Variants in PLXDC2 observed in about 807,000 individuals in gnomAD.
The protein encoded by PLXDC2 is plexin domain containing 2, also known as plexin domain-containing protein 2.
A neutral mutation model predicts 68.9 loss-of-function variants in PLXDC2; 40 were observed. The ratio of observed to expected loss-of-function variants is 0.58; its 90% CI spans 0.45 to 0.76. PLXDC2 has a LOEUF of 0.76. PLXDC2 is among the 30% of genes least tolerant of loss of function. The pLI is 0.00. For missense variants in PLXDC2, 644 were observed against 661.9 expected, an observed-to-expected ratio of 0.97 and a Z score of 0.30; for synonymous variants, 243 against 234.2, an observed-to-expected ratio of 1.04 and a Z score of -0.34.
chr10:19,859,025 A>G (rs1837268663), intron 1 of PLXDC2, among the ~76,000 whole-genome samples: 1 of 150,446 alleles, frequency 6.6e-6, no homozygotes, highest in Non-Finnish European at 1.5e-5. Context: ...GCAGCGAGAG[A>G]GAGAGAGAGA....
intron 2 of PLXDC2, among the ~76,000 whole-genome samples, chr10:20,028,741 G>A (rs890015815): frequency 6.6e-6 from 1 of 152,118 alleles, no homozygotes; most frequent in Non-Finnish European, 1.5e-5. Flanking sequence ...TGGTAACCCA[G>A]TATGAGCTAT....
intron 1 of PLXDC2, among the ~76,000 whole-genome samples, chr10:19,823,951 T>A (rs1489227211): frequency 6.6e-6 from 1 of 152,084 alleles, no homozygotes; most frequent in East Asian, 1.9e-4. Flanking sequence ...AGGGCTGCAA[T>A]GAGCTGTGAT....
At chr10:19,851,646 A>G (rs980493046) in intron 1 of PLXDC2, among the ~76,000 whole-genome samples, 1 of 152,130 alleles carries the variant, frequency 6.6e-6, no homozygotes, top group African/African-American at 2.4e-5. Context: ...CCTGGGTTCA[A>G]GTGATTCTCA....
intron 1 of PLXDC2, among the ~76,000 whole-genome samples, chr10:19,885,213 T>C (rs1310105970): frequency 1.3e-5 from 2 of 152,038 alleles, no homozygotes. Flanking sequence ...TGTTTTTTTC[T>C]TGTAAATTTG....
At chr10:20,264,971 A>C (rs1835852129) in intron 13 of PLXDC2, among the ~76,000 whole-genome samples, 2 of 152,224 alleles carry the variant, frequency 1.3e-5, no homozygotes, top group South Asian at 4.1e-4. Context: ...AGGTCGCTGG[A>C]TGATATTAAA....
At chr10:20,208,303 C>T (rs1327003684) in intron 9 of PLXDC2, among the ~76,000 whole-genome samples, 1 of 152,102 alleles carries the variant, frequency 6.6e-6, no homozygotes, top group Non-Finnish European at 1.5e-5. Flanking sequence ...AGGCAAAAGA[C>T]ACATCTTACA....
chr10:19,836,454 A>G (rs1022579234), intron 1 of PLXDC2, among the ~76,000 whole-genome samples: 29 of 152,210 alleles, frequency 1.9e-4, no homozygotes, highest in Non-Finnish European at 2.9e-5. Context: ...ACTTGCAAGA[A>G]TATTGCTGTG....
At chr10:20,013,429 C>T (rs1193823236) in intron 2 of PLXDC2, among the ~76,000 whole-genome samples, 2 of 151,946 alleles carry the variant, frequency 1.3e-5, no homozygotes, top group African/African-American at 2.4e-5. Flanking sequence ...AAATAATGCT[C>T]CCTGATCTTT....
chr10:20,179,576 T>C (rs1337103686), intron 9 of PLXDC2, among the ~76,000 whole-genome samples: 1 of 152,120 alleles, frequency 6.6e-6, no homozygotes, highest in Non-Finnish European at 1.5e-5. Flanking sequence ...ACTTAAATCA[T>C]TTTATGGTAA....
intron 4 of PLXDC2, among the ~76,000 whole-genome samples, chr10:20,120,518 G>A (rs1223026741): frequency 6.6e-6 from 1 of 152,146 alleles, no homozygotes; most frequent in Non-Finnish European, 1.5e-5. Context: ...TATAGAGTTG[G>A]GAAGGCTAAA....
intron 2 of PLXDC2, among the ~76,000 whole-genome samples, chr10:20,030,916 T>G (rs10740959): frequency 0.74 from 112,106 of 151,952 alleles, 42,238 homozygotes; most frequent in East Asian, 0.9. Context: ...GATTCATATT[T>G]GTCCATTGTG....
intron 1 of PLXDC2, among the ~76,000 whole-genome samples, chr10:19,859,247 A>C (rs1837274291): frequency 6.6e-6 from 1 of 152,026 alleles, no homozygotes; most frequent in Non-Finnish European, 1.5e-5. Flanking sequence ...AGGGCAAAAA[A>C]CAAACAAACA....
intron 1 of PLXDC2, among the ~76,000 whole-genome samples, chr10:19,892,389 G>A (rs367640890): frequency 6.6e-6 from 1 of 152,080 alleles, no homozygotes; most frequent in African/African-American, 2.4e-5. Context: ...TCCAAGATCC[G>A]CTCTTAACCA....
intron 4 of PLXDC2, among the ~76,000 whole-genome samples, chr10:20,142,075 A>G (rs1012493039): frequency 1.3e-5 from 2 of 152,154 alleles, no homozygotes; most frequent in African/African-American, 4.8e-5. Context: ...AAATAACTAC[A>G]GGTTTAATTC....
At chr10:20,026,408 A>G (rs1282720907) in intron 2 of PLXDC2, among the ~76,000 whole-genome samples, 1 of 152,192 alleles carries the variant, frequency 6.6e-6, no homozygotes, top group Non-Finnish European at 1.5e-5. Flanking sequence ...GGTATCAAAT[A>G]CCAATAAGAA....
At chr10:20,001,397 A>G (rs905055084) in intron 1 of PLXDC2, among the ~76,000 whole-genome samples, 3 of 152,230 alleles carry the variant, frequency 2.0e-5, no homozygotes, top group Non-Finnish European at 4.4e-5. Flanking sequence ...TAATCTGACA[A>G]TTACTTGGTT....
At chr10:20,214,228 T>A (rs1398403232) in intron 10 of PLXDC2, among the ~76,000 whole-genome samples, 3 of 152,172 alleles carry the variant, frequency 2.0e-5, no homozygotes, top group Admixed American at 6.6e-5. Flanking sequence ...TATCTAAAAT[T>A]TTGGTGATCT....
chr10:19,939,727 T>G (rs1484651992), intron 1 of PLXDC2, among the ~76,000 whole-genome samples: 2 of 152,200 alleles, frequency 1.3e-5, no homozygotes, highest in African/African-American at 4.8e-5. Flanking sequence ...AGAACTTCCT[T>G]CATATAATGA....
chr10:19,973,269 G>T (rs938422829), intron 1 of PLXDC2, among the ~76,000 whole-genome samples: 5 of 123,044 alleles, frequency 4.1e-5, no homozygotes, highest in Non-Finnish European at 6.8e-5. Context: ...TATACTCACA[G>T]ATATATGTAT....
Sources: gnomAD v4.1 joint callset for allele counts (sites outside exome capture counted in the v4.1 genomes callset) on GRCh38, gnomAD v4.1.1 for gene constraint, MANE v1.5 for transcripts, NCBI Gene and HGNC (gene_info 2026-07-23, HGNC 2026-07-21) for gene names.